Variants in RNF180 observed in about 807,000 individuals in gnomAD.
RNF180 encodes the protein ring finger protein 180.
Under a neutral mutation model 59.2 loss-of-function variants are expected in RNF180, and 38 were observed. That is an observed-to-expected ratio of 0.64 (90% CI 0.50 to 0.84). RNF180 has a LOEUF of 0.84. Among genes scored for constraint, RNF180 ranks in the 40% least tolerant of loss-of-function variants. The probability of loss-of-function intolerance (pLI) is 0.00; values close to 1 mark genes in which losing one functional copy is unlikely to be tolerated. For missense variants in RNF180, 705 were observed against 700.9 expected, an observed-to-expected ratio of 1.01 and a Z score of -0.07; for synonymous variants, 262 against 240.3, an observed-to-expected ratio of 1.09 and a Z score of -0.84.
At chr5:64,222,126 GGTTA>G (rs1435916923) in intron 5 of RNF180, among the ~76,000 whole-genome samples, 4 of 151,974 alleles carry the variant, frequency 2.6e-5, no homozygotes, top group South Asian at 2.1e-4. Flanking sequence ...GAGGAGTACT[GGTTA>G]GTTATTTTGT....
chr5:64,199,952 A>G (rs756261424), intron 1 of RNF180, among the ~76,000 whole-genome samples: 1 of 152,170 alleles, frequency 6.6e-6, no homozygotes, highest in African/African-American at 2.4e-5. Context: ...AACTGTTCCA[A>G]TAAGTACAAT....
intron 5 of RNF180, among the ~76,000 whole-genome samples, chr5:64,317,627 C>T (rs201876757): frequency 3.7e-4 from 30 of 80,390 alleles, no homozygotes; most frequent in East Asian, 9.8e-4. Flanking sequence ...CATATATACA[C>T]ACACACACAC....
chr5:64,279,069 G>A (rs548976717), intron 5 of RNF180, among the ~76,000 whole-genome samples: 1 of 152,184 alleles, frequency 6.6e-6, no homozygotes, highest in Non-Finnish European at 1.5e-5. Flanking sequence ...TATACTGTTA[G>A]AAATGAAAAG....
intron 2 of RNF180, among the ~76,000 whole-genome samples, chr5:64,203,920 A>AT (rs1751877541): frequency 6.6e-6 from 1 of 152,196 alleles, no homozygotes; most frequent in Admixed American, 6.5e-5. Flanking sequence ...CCTTTAAAGG[A>AT]AACTGCAAAA....
intron 1 of RNF180, among the ~76,000 whole-genome samples, chr5:64,200,140 A>G (rs574518638): frequency 1.3e-5 from 2 of 152,110 alleles, no homozygotes; most frequent in Non-Finnish European, 2.9e-5. Flanking sequence ...ACTCTTTAAA[A>G]CCACTGTAGG....
chr5:64,273,229 G>A (rs144138550), intron 5 of RNF180, among the ~76,000 whole-genome samples: 159 of 152,020 alleles, frequency 1.0e-3, no homozygotes, highest in African/African-American at 3.7e-3. Context: ...AAAAAGGGAA[G>A]GAACCCTCAG....
At chr5:64,168,782 T>G (rs1386353719) in intron 1 of RNF180, among the ~76,000 whole-genome samples, 1 of 152,190 alleles carries the variant, frequency 6.6e-6, no homozygotes, top group Non-Finnish European at 1.5e-5. Flanking sequence ...ATTAACAAGT[T>G]GTGTGTGCAA....
chr5:64,267,129 C>G (rs7341063), intron 5 of RNF180, among the ~76,000 whole-genome samples: 1 of 151,940 alleles, frequency 6.6e-6, no homozygotes, highest in African/African-American at 2.4e-5. Flanking sequence ...ATCTCTGATC[C>G]TAAGGGTTCT....
intron 5 of RNF180, 56 bp downstream of exon 5, chr5:64,217,452 T>C: frequency 1.5e-6 from 2 of 1,338,492 alleles, no homozygotes; most frequent in Non-Finnish European, 1.9e-6. Flanking sequence ...AGAATGGCTG[T>C]ACCATTTTGC....
intron 5 of RNF180, among the ~76,000 whole-genome samples, chr5:64,223,145 T>C (rs1168119515): frequency 6.6e-6 from 1 of 152,190 alleles, no homozygotes; most frequent in Non-Finnish European, 1.5e-5. Flanking sequence ...TATAATAGAA[T>C]CTGTTCCTTT....
intron 1 of RNF180, among the ~76,000 whole-genome samples, chr5:64,192,724 G>C (rs767681773): frequency 6.8e-4 from 103 of 151,406 alleles, no homozygotes; most frequent in Middle Eastern, 6.5e-3. Context: ...ATTAAAAGTA[G>C]AACTACCACA....
intron 7 of RNF180, among the ~76,000 whole-genome samples, chr5:64,336,995 T>G (rs1179426897): frequency 2.9e-4 from 40 of 137,224 alleles, no homozygotes; most frequent in Admixed American, 2.9e-3. Context: ...ATTTTCTTTT[T>G]TTGTTGTTGT....
chr5:64,341,193 G>C (rs774946925), intron 7 of RNF180, among the ~76,000 whole-genome samples: 4 of 152,106 alleles, frequency 2.6e-5, no homozygotes, highest in African/African-American at 4.8e-5. Context: ...AATTCTCCTG[G>C]TGTGAAAGCG....
In RNF180 at chr5:64,178,257, A is replaced by G. The variant is rs373016861; in HGVS notation, c.-1+12304A>G. On this transcript the variant is annotated intron_variant, in intron 1 of 7. Coordinates refer to ENST00000389100, the MANE Select transcript of RNF180 (RefSeq NM_001113561.2). ...GCCTGACAAGAACTCTGGCCTTTCT[A>G]TGATCTGACAGGGGAGCACCAGAGG... Among the ~76,000 whole-genome samples, 194 of 151,536 alleles carry G rather than the reference A, an allele frequency of 1.3e-3. 2 individuals are homozygous for G. The highest frequency in any genetic ancestry group is 4.1e-3 in the African/African-American group (171 of 41,334).
chr5:64,359,222 A>C (rs1017818593), intron 7 of RNF180, among the ~76,000 whole-genome samples: 1 of 150,650 alleles, frequency 6.6e-6, no homozygotes, highest in Non-Finnish European at 1.5e-5. Context: ...TGACTTCCAC[A>C]ATGGTTGAAC....
At chr5:64,343,408 C>T (rs1274568622) in intron 7 of RNF180, among the ~76,000 whole-genome samples, 1 of 151,596 alleles carries the variant, frequency 6.6e-6, no homozygotes, top group African/African-American at 2.4e-5. Flanking sequence ...AATTGGAGAC[C>T]CTGAAGGAAC....
intron 5 of RNF180, among the ~76,000 whole-genome samples, chr5:64,278,224 C>T (rs1002920859): frequency 1.3e-5 from 2 of 152,104 alleles, no homozygotes; most frequent in African/African-American, 2.4e-5. Context: ...GCACTTTTAA[C>T]GTAATGATCT....
intron 5 of RNF180, among the ~76,000 whole-genome samples, chr5:64,269,466 A>C (rs1744879576): frequency 6.6e-6 from 1 of 152,186 alleles, no homozygotes; most frequent in Non-Finnish European, 1.5e-5. Flanking sequence ...CTTTGTTTCC[A>C]TGTGCCTCAT....
intron 1 of RNF180, among the ~76,000 whole-genome samples, chr5:64,193,344 T>C (rs535661502): frequency 1.3e-5 from 2 of 152,286 alleles, no homozygotes; most frequent in South Asian, 4.1e-4. Context: ...GTGATGGATA[T>C]ATCAAGTACC....
Sources: allele counts gnomAD v4.1 joint callset (sites outside exome capture counted in the v4.1 genomes callset), GRCh38; gene constraint gnomAD v4.1.1; transcripts MANE v1.5; gene names NCBI Gene and HGNC (gene_info 2026-07-23, HGNC 2026-07-21).